The following GOLM2 variants were observed in gnomAD, a reference collection of about 807,000 sequenced individuals.
The protein encoded by GOLM2 is golgi membrane protein 2.
GOLM2 carries 26 observed loss-of-function variants against 55.9 expected under a neutral mutation model. The ratio of observed to expected loss-of-function variants is 0.47; its 90% CI spans 0.34 to 0.65. The LOEUF is 0.65. Ranked by LOEUF, GOLM2 falls within the 30% of genes least tolerant of loss-of-function variation. The probability of loss-of-function intolerance (pLI) is 0.01; values close to 1 mark genes in which losing one functional copy is unlikely to be tolerated. For missense variants in GOLM2, 486 were observed against 531.8 expected (o/e 0.91, Z 0.85); for synonymous variants, 165 against 194.6 (o/e 0.85, Z 1.27).
In GOLM2 at chr15:44,403,710, C is replaced by A. The variant is rs534712109; in HGVS notation, c.1240+656C>A. On this transcript the variant is annotated intron_variant, in intron 9 of 9. Coordinates refer to ENST00000299957, the MANE Select transcript of GOLM2 (RefSeq NM_138423.4). ...TCTAGAAAATACACTTTTCCAATTT[C>A]TCATCTAAAAACATTTTGTTATTTC... Among the ~76,000 whole-genome samples, 3 of 152,188 alleles carry A rather than the reference C, an allele frequency of 2.0e-5. No individual in the cohort carries two copies. The South Asian group carries it at 6.2e-4, about 32-fold the overall frequency.
intron 6 of GOLM2, among the ~76,000 whole-genome samples, chr15:44,362,546 T>C (rs1321923812): frequency 6.6e-5 from 10 of 151,216 alleles, no homozygotes; most frequent in African/African-American, 2.2e-4. Context: ...TAAAAGAGGA[T>C]ACAAAGAAAT....
At chr15:44,392,395 G>A (rs1347014424) in intron 8 of GOLM2, among the ~76,000 whole-genome samples, 2 of 152,046 alleles carry the variant, frequency 1.3e-5, no homozygotes, top group African/African-American at 4.8e-5. Flanking sequence ...GGCCAAGGCA[G>A]GTGGATCACC....
intron 8 of GOLM2, among the ~76,000 whole-genome samples, chr15:44,385,771 T>C (rs1419229791): frequency 6.6e-6 from 1 of 152,154 alleles, no homozygotes; most frequent in Admixed American, 6.6e-5. Flanking sequence ...TTGCCCTGGC[T>C]GGTCTCCAAC....
At chr15:44,294,452 C>T (rs2078741783) in intron 1 of GOLM2, among the ~76,000 whole-genome samples, 1 of 152,016 alleles carries the variant, frequency 6.6e-6, no homozygotes, top group Non-Finnish European at 1.5e-5. Context: ...CGGTGGCTCA[C>T]GCCTGTAATC....
chr15:44,379,889 G>T, intron 7 of GOLM2, 101 bp downstream of exon 7: 1 of 579,226 alleles, frequency 1.7e-6, no homozygotes. Flanking sequence ...TAGTGAAATA[G>T]CATTTATTCT....
chr15:44,294,665 G>C (rs1460171622), intron 1 of GOLM2, among the ~76,000 whole-genome samples: 1 of 143,570 alleles, frequency 7.0e-6, no homozygotes, highest in Non-Finnish European at 1.5e-5. Flanking sequence ...AGTGAGCTGA[G>C]ATCACGCCAT....
intron 5 of GOLM2, 74 bp from the exon 6 acceptor site, chr15:44,338,163 G>T (rs2079069627): frequency 1.4e-6 from 2 of 1,409,860 alleles, no homozygotes; most frequent in African/African-American, 2.8e-5. Flanking sequence ...GAAACTGATT[G>T]TTACATTCCT....
At chr15:44,406,114 T>C (rs940412373) in intron 9 of GOLM2, among the ~76,000 whole-genome samples, 2 of 151,992 alleles carry the variant, frequency 1.3e-5, no homozygotes, top group African/African-American at 4.8e-5. Context: ...AAAAAAACAT[T>C]AGTCAGCCAG....
At chr15:44,367,789 CA>C (rs751290157) in intron 6 of GOLM2, among the ~76,000 whole-genome samples, 8,123 of 120,336 alleles carry the variant, frequency 0.068, 676 homozygotes, top group African/African-American at 0.21. Flanking sequence ...GACTCTGTCT[CA>C]AAAAAAAAAA....
At chr15:44,407,604 G>C (rs1048414263) in intron 9 of GOLM2, among the ~76,000 whole-genome samples, 1 of 151,478 alleles carries the variant, frequency 6.6e-6, no homozygotes, top group African/African-American at 2.4e-5. Context: ...CCGAATTCTT[G>C]CTTTTTTTTT....
intron 6 of GOLM2, among the ~76,000 whole-genome samples, chr15:44,370,582 T>A (rs1396976234): frequency 2.0e-5 from 3 of 152,186 alleles, no homozygotes; most frequent in Admixed American, 2.0e-4. Flanking sequence ...GTCCCTACTC[T>A]TAAACTATGG....
intron 6 of GOLM2, among the ~76,000 whole-genome samples, chr15:44,341,458 G>T (rs1374848251): frequency 1.3e-5 from 2 of 151,792 alleles, no homozygotes; most frequent in African/African-American, 2.4e-5. Flanking sequence ...TTTCTCATTG[G>T]TCATAATTTA....
chr15:44,398,969 C>G (rs968729736), intron 8 of GOLM2, among the ~76,000 whole-genome samples: 1 of 151,848 alleles, frequency 6.6e-6, no homozygotes, highest in Admixed American at 6.6e-5. Context: ...TGCCTGGCCC[C>G]GTAATTATCT....
At chr15:44,408,630 C>T (rs1211635184) in intron 9 of GOLM2, among the ~76,000 whole-genome samples, 1 of 152,160 alleles carries the variant, frequency 6.6e-6, no homozygotes, top group Non-Finnish European at 1.5e-5. Flanking sequence ...ATTTGTTTTT[C>T]TGTTCCTAGA....
chr15:44,374,407 C>T (rs930994462), intron 6 of GOLM2, among the ~76,000 whole-genome samples: 1 of 151,878 alleles, frequency 6.6e-6, no homozygotes, highest in Admixed American at 6.6e-5. Flanking sequence ...CCAGCACTTT[C>T]CAAGGTCAAG....
chr15:44,396,508 T>C (rs1183281926), intron 8 of GOLM2, among the ~76,000 whole-genome samples: 2 of 152,200 alleles, frequency 1.3e-5, no homozygotes, highest in African/African-American at 2.4e-5. Context: ...CCTTTGTAAA[T>C]GGAAAAGGTT....
chr15:44,343,528 G>T (rs374747768), intron 6 of GOLM2, among the ~76,000 whole-genome samples: 1 of 151,780 alleles, frequency 6.6e-6, no homozygotes, highest in African/African-American at 2.4e-5. Context: ...AGGAAGCAGA[G>T]AAAAGAACAT....
chr15:44,292,133 A>G (rs906186406), intron 1 of GOLM2, among the ~76,000 whole-genome samples: 1 of 151,276 alleles, frequency 6.6e-6, no homozygotes, highest in Non-Finnish European at 1.5e-5. Flanking sequence ...GGCTCACAAG[A>G]CTGTATCTCT....
chr15:44,289,102 A>G lies in GOLM2; in HGVS notation c.73A>G (p.Ile25Val). ...SLVLVVLLVVIVVLAFNYWSI... is the reference protein window; with the variant it reads ...SLVLVVLLVVVVVLAFNYWSI... ...CGTGCTGGTGGTGCTGCTGGTGGTGATCGTCGTCCTCGCCTTCAACTACTG... is the reference window on the plus strand; with the variant it reads ...CGTGCTGGTGGTGCTGCTGGTGGTGGTCGTCGTCCTCGCCTTCAACTACTG... The change falls in exon 1 of 10, where the codon ATC becomes GTC. Residue 25 changes from isoleucine (I) to valine (V), a missense_variant. Physicochemically the swap from Ile to Val is conservative, Grantham distance 29. Transcript: ENST00000299957. The surrounding 1 kb of genome is among the most constrained non-coding windows in gnomAD (Gnocchi z 4.8). 6.2e-7 allele frequency: 1 copy of G among 1,614,042 alleles called. No individual in the cohort carries two copies. Among genetic ancestry groups the G allele is most frequent in the Non-Finnish European group, 8.5e-7 (1 of 1,179,968 alleles).
Sources: allele counts gnomAD v4.1 joint callset (sites outside exome capture counted in the v4.1 genomes callset), GRCh38; gene constraint gnomAD v4.1.1; non-coding constraint Gnocchi (gnomAD v3.1); transcripts MANE v1.5; gene names NCBI Gene and HGNC (gene_info 2026-07-23, HGNC 2026-07-21).